The following SLC24A3 variants were observed in gnomAD, a reference collection of about 807,000 sequenced individuals.
SLC24A3 encodes the protein solute carrier family 24 member 3.
SLC24A3 carries 28 observed loss-of-function variants against 75.8 expected under a neutral mutation model. The observed-to-expected ratio is 0.37, with a 90% CI of 0.27 to 0.51. The LOEUF (loss-of-function observed/expected upper bound fraction) is 0.51. Ranked by LOEUF, SLC24A3 falls within the 20% of genes least tolerant of loss-of-function variation. The probability of loss-of-function intolerance (pLI) is 0.94; values close to 1 mark genes in which losing one functional copy is unlikely to be tolerated. For missense variants in SLC24A3, 663 were observed against 847.8 expected, an observed-to-expected ratio of 0.78 and a Z score of 2.71; for synonymous variants, 372 against 334.1, an observed-to-expected ratio of 1.11 and a Z score of -1.24.
At chr20:19,585,638 A>G in intron 6 of SLC24A3, 94 bp downstream of exon 6, 1 of 1,234,480 alleles carries the variant, frequency 8.1e-7, no homozygotes, top group Non-Finnish European at 1.2e-6. Flanking sequence ...CTGGAACACA[A>G]CTTGCATTAG....
intron 8 of SLC24A3, among the ~76,000 whole-genome samples, chr20:19,671,480 A>G (rs2032466136): frequency 6.6e-6 from 1 of 152,158 alleles, no homozygotes; most frequent in Non-Finnish European, 1.5e-5. Context: ...GGCACAGTAG[A>G]GAAGAAAGAA....
chr20:19,452,791 G>C (rs1216930453), intron 2 of SLC24A3, among the ~76,000 whole-genome samples: 1 of 152,026 alleles, frequency 6.6e-6, no homozygotes, highest in Non-Finnish European at 1.5e-5. Context: ...AAGGCAGGAG[G>C]ATCAGTTGAG....
chr20:19,506,434 TA>T (rs986737500), intron 2 of SLC24A3, among the ~76,000 whole-genome samples: 3 of 152,034 alleles, frequency 2.0e-5, no homozygotes, highest in Non-Finnish European at 4.4e-5. Flanking sequence ...CTTATGCCCT[TA>T]AAAAAACAAG....
intron 3 of SLC24A3, among the ~76,000 whole-genome samples, chr20:19,561,067 G>A (rs993098777): frequency 1.3e-5 from 2 of 152,092 alleles, no homozygotes; most frequent in Non-Finnish European, 2.9e-5. Context: ...TCTACATTCC[G>A]GGAGTATTTC....
chr20:19,537,435 G>A (rs878884821), intron 3 of SLC24A3, among the ~76,000 whole-genome samples: 1 of 152,082 alleles, frequency 6.6e-6, no homozygotes, highest in Non-Finnish European at 1.5e-5. Flanking sequence ...GGTGGGACTG[G>A]AAACTAGTTC....
intron 1 of SLC24A3, among the ~76,000 whole-genome samples, chr20:19,266,869 G>A (rs1883942): frequency 0.017 from 2,595 of 152,028 alleles, 68 homozygotes; most frequent in African/African-American, 0.056. Flanking sequence ...TGTAATATAC[G>A]TTATGTATAT....
intron 2 of SLC24A3, among the ~76,000 whole-genome samples, chr20:19,430,851 G>A (rs962055674): frequency 6.6e-6 from 1 of 151,964 alleles, no homozygotes; most frequent in African/African-American, 2.4e-5. Flanking sequence ...CACTCACCTA[G>A]GGACACATGC....
chr20:19,483,696 G>T (rs900431031), intron 2 of SLC24A3, among the ~76,000 whole-genome samples: 1 of 152,180 alleles, frequency 6.6e-6, no homozygotes, highest in African/African-American at 2.4e-5. Context: ...GGGTCCTGAG[G>T]TCTAAGCCTG....
intron 6 of SLC24A3, among the ~76,000 whole-genome samples, chr20:19,621,846 C>T (rs1470523847): frequency 6.6e-6 from 1 of 152,208 alleles, no homozygotes; most frequent in African/African-American, 2.4e-5. Context: ...AAATGCTCCT[C>T]TTAGCTGTTA....
intron 1 of SLC24A3, among the ~76,000 whole-genome samples, chr20:19,277,372 G>T (rs1018604870): frequency 6.6e-6 from 1 of 152,226 alleles, no homozygotes; most frequent in African/African-American, 2.4e-5. Context: ...ACTACGAAAT[G>T]ATAGTTGATG....
intron 6 of SLC24A3, among the ~76,000 whole-genome samples, chr20:19,614,790 C>A (rs893162451): frequency 6.6e-6 from 1 of 152,162 alleles, no homozygotes; most frequent in African/African-American, 2.4e-5. Flanking sequence ...GGATCCTTGA[C>A]CTGGATCACT....
chr20:19,537,810 T>A (rs1416182243), intron 3 of SLC24A3, among the ~76,000 whole-genome samples: 2 of 139,408 alleles, frequency 1.4e-5, no homozygotes, highest in Admixed American at 1.6e-4. Flanking sequence ...TTCTCACTCA[T>A]AGGTGGGAAT....
intron 7 of SLC24A3, among the ~76,000 whole-genome samples, chr20:19,663,849 T>G (rs1284013067): frequency 2.0e-5 from 3 of 152,138 alleles, no homozygotes; most frequent in Non-Finnish European, 2.9e-5. Context: ...CTATGATCAT[T>G]GAAATGATCA....
intron 3 of SLC24A3, 66 bp downstream of exon 3, chr20:19,515,630 C>A: frequency 2.0e-6 from 3 of 1,518,914 alleles, no homozygotes; most frequent in Non-Finnish European, 2.7e-6. Flanking sequence ...TGGGGTGTGG[C>A]ACCTGAGGTG....
chr20:19,222,613 A>T (rs1319829192), intron 1 of SLC24A3, among the ~76,000 whole-genome samples: 3 of 152,176 alleles, frequency 2.0e-5, no homozygotes, highest in Non-Finnish European at 4.4e-5. Flanking sequence ...TTTCAACAGA[A>T]ACACTCCCCT....
At chr20:19,691,303 G>C (rs6112524) in intron 12 of SLC24A3, among the ~76,000 whole-genome samples, 31,149 of 152,196 alleles carry the variant, frequency 0.2, 3,519 homozygotes, top group Non-Finnish European at 0.24. Context: ...ATTCTGCCAT[G>C]AGAAGATCCA....
intron 6 of SLC24A3, among the ~76,000 whole-genome samples, chr20:19,647,133 A>T (rs1174956410): frequency 6.6e-6 from 1 of 152,014 alleles, no homozygotes; most frequent in East Asian, 1.9e-4. Flanking sequence ...TGGGTGGATT[A>T]ATACCCCAGC....
At chr20:19,608,198 G>C (rs1398452762) in intron 6 of SLC24A3, among the ~76,000 whole-genome samples, 1 of 152,200 alleles carries the variant, frequency 6.6e-6, no homozygotes, top group East Asian at 1.9e-4. Flanking sequence ...ATTGGTGTGG[G>C]CCGATGATAG....
intron 15 of SLC24A3, among the ~76,000 whole-genome samples, chr20:19,716,703 G>A (rs2033050156): frequency 1.3e-5 from 2 of 152,086 alleles, no homozygotes; most frequent in South Asian, 2.1e-4. Context: ...GCAACGTAGT[G>A]AGACCTAGTC....
Sources: allele counts gnomAD v4.1 joint callset (sites outside exome capture counted in the v4.1 genomes callset), GRCh38; gene constraint gnomAD v4.1.1; transcripts MANE v1.5; gene names NCBI Gene and HGNC (gene_info 2026-07-23, HGNC 2026-07-21).